Variants in CFAP92 observed in about 807,000 individuals in gnomAD.
The protein encoded by CFAP92 is cilia and flagella associated protein 92 (putative).
A neutral mutation model predicts 106.3 loss-of-function variants in CFAP92; 86 were observed. That is an observed-to-expected ratio of 0.81 (90% CI 0.68 to 0.97). The LOEUF (loss-of-function observed/expected upper bound fraction) is 0.97, where lower values mean the gene tolerates loss of function less well. Ranked by LOEUF, CFAP92 falls within the 50% of genes least tolerant of loss-of-function variation. CFAP92 has a pLI of 0.00. For missense variants in CFAP92, 1,204 were observed against 1,283.8 expected (o/e 0.94, Z 0.95); for synonymous variants, 477 against 506.4 (o/e 0.94, Z 0.78).
chr3:128,976,708 T>A (rs1036716743), intron 6 of CFAP92, among the ~76,000 whole-genome samples: 11 of 152,176 alleles, frequency 7.2e-5, no homozygotes, highest in Non-Finnish European at 8.8e-5. Flanking sequence ...ATTTAATTAC[T>A]CAGTCACCTT....
chr3:128,987,540 G>A (rs1943934042), intron 4 of CFAP92, 76 bp downstream of exon 4: 2 of 1,288,316 alleles, frequency 1.6e-6, no homozygotes, highest in Non-Finnish European at 1.1e-6. Flanking sequence ...AGGAAACCAG[G>A]AGACACTGGC....
rs951879091 is a variant in CFAP92, at chr3:128,977,903, T to C, written c.808+142A>G. 7 of 919,694 alleles carry C rather than the reference T, an allele frequency of 7.6e-6. No homozygotes were observed. In the Admixed American group the frequency reaches 1.7e-4, roughly 23 times the overall value. 57.0% of individuals were successfully genotyped at this position (919,694 alleles called of 1,614,324 possible). On this transcript the variant is annotated intron_variant, in intron 5 of 15. Coordinates refer to ENST00000645291, the MANE Select transcript of CFAP92 (RefSeq NM_001394090.1). Reference sequence around the variant, plus strand: ...ATGCAGCAAGAGCAATACAGCCGTGTGGCAGGGTGAGCCCCGCCCGCCTCT... The same window carrying C: ...ATGCAGCAAGAGCAATACAGCCGTGCGGCAGGGTGAGCCCCGCCCGCCTCT...
chr3:128,939,364 C>T (rs1939392013), intron 10 of CFAP92, among the ~76,000 whole-genome samples: 3 of 152,108 alleles, frequency 2.0e-5, no homozygotes. Flanking sequence ...GTCTCAAACT[C>T]CTGACCTTGG....
In CFAP92 at chr3:128,915,420, A is replaced by G; in HGVS notation, c.3060T>C (p.Leu1020=). The change falls in exon 14 of 16, where the codon CTT becomes CTC. Residue 1020 remains leucine (L), a synonymous_variant. Transcript: ENST00000645291. ...LTARGFQVTG[L]QSDTESSFQD... is the part of the protein sequence containing the mutation. ...GAAAGCTGCTTTCGGTGTCGCTCTG[A>G]AGACCTGTCACTTGGAATCCCCTGG... The G allele has an allele frequency of 2.0e-6, 3 of 1,536,048 alleles. No homozygotes were observed. Among genetic ancestry groups the G allele is most frequent in the Non-Finnish European group, 2.6e-6 (3 of 1,146,896 alleles).
At chr3:128,952,678 G>A (rs909379977) in intron 9 of CFAP92, among the ~76,000 whole-genome samples, 2 of 152,192 alleles carry the variant, frequency 1.3e-5, no homozygotes, top group South Asian at 4.1e-4. Flanking sequence ...CTGCTCGGGA[G>A]GCTGAGGTGG....
upstream of CFAP92, among the ~76,000 whole-genome samples, chr3:128,996,690 C>T (rs1944491934): frequency 6.6e-6 from 1 of 152,262 alleles, no homozygotes; most frequent in African/African-American, 2.4e-5. Context: ...CTCACCACTC[C>T]ATGCATCAGC....
Position 128,915,570 on chromosome 3 carries a change from A to AT in CFAP92, c.2917-8dup, listed in dbSNP as rs1936744693. 4.7e-6 allele frequency: 7 copies of AT among 1,501,536 alleles called. No homozygotes were observed. The highest frequency in any genetic ancestry group is 6.2e-6 in the Non-Finnish European group (7 of 1,129,710). 93.0% of individuals were successfully genotyped at this position (1,501,536 alleles called of 1,614,324 possible). On this transcript the variant is annotated splice_region_variant and splice_polypyrimidine_tract_variant and intron_variant, in intron 13 of 15. Transcript: ENST00000645291. Reference sequence around the variant, plus strand: ...TGAATCTCTTTCTTGGCTCCTAGAAATGGGGGCAGACAGGTTGGGGTGGAA... The same window carrying AT: ...TGAATCTCTTTCTTGGCTCCTAGAAATTGGGGGCAGACAGGTTGGGGTGGAA...
chr3:128,917,954 G>A (rs1409328092), intron 12 of CFAP92, among the ~76,000 whole-genome samples: 1 of 152,192 alleles, frequency 6.6e-6, no homozygotes, highest in African/African-American at 2.4e-5. Flanking sequence ...CCAAGCCTGG[G>A]TACACTATTA....
Position 128,932,847 on chromosome 3 carries a change from T to C in CFAP92, c.2604A>G (p.Leu868=), listed in dbSNP as rs184820837. 442 of 1,536,176 alleles carry C rather than the reference T, an allele frequency of 2.9e-4. 1 individual carries two copies. The Middle Eastern group carries it at 4.3e-3, about 15-fold the overall frequency. Residue 868 remains leucine (L), a synonymous_variant, in exon 12 of 16, where the codon CTA becomes CTG. Coordinates refer to ENST00000645291, the MANE Select transcript of CFAP92 (RefSeq NM_001394090.1). ...CAAGATTGGGGGCAGGCTGAGGTGG[T>C]AGGGCAAACAGTTTCTCATCTGTGA... is the stretch of plus-strand genomic sequence containing the variant. ...EELTDEKLFA[L]PPQPAPNLED...
chr3:128,949,375 T>C (rs9653927), intron 9 of CFAP92, among the ~76,000 whole-genome samples: 6,399 of 152,246 alleles, frequency 0.042, 362 homozygotes, highest in African/African-American at 0.13. Context: ...TGCTCAGCAA[T>C]GAAAAGGAAA....
Position 128,976,993 on chromosome 3 carries a change from A to C in CFAP92, c.882T>G (p.Asp294Glu). The change falls in exon 6 of 16, where the codon GAT becomes GAG. Residue 294 changes from aspartate to glutamate, a missense_variant. Coordinates refer to ENST00000645291, the MANE Select transcript of CFAP92 (RefSeq NM_001394090.1). ...EEYEKSLKMDDSSTIQWSVSR... is the reference protein window; with the variant it reads ...EEYEKSLKMDESSTIQWSVSR... ...TCAATCCTTACTGAATCGTGGAAGA[A>C]TCGTCCATTTTGAGGGACTTCTCAT... is the stretch of plus-strand genomic sequence containing the variant. 1.9e-6 allele frequency: 3 copies of C among 1,613,720 alleles called. No homozygotes were observed. The highest frequency in any genetic ancestry group is 2.5e-6 in the Non-Finnish European group (3 of 1,179,654).
intron 8 of CFAP92, chr3:128,969,817 G>A (rs1012738152): frequency 6.6e-6 from 1 of 152,362 alleles, no homozygotes; most frequent in Non-Finnish European, 1.5e-5. Context: ...TGGAGGGTCA[G>A]GCTGGAGCGT....
At chr3:129,004,083 C>T, upstream of CFAP92, 4 of 1,488,624 alleles carry the variant, frequency 2.7e-6, no homozygotes, top group Non-Finnish European at 3.6e-6. Context: ...TACAGGTGAG[C>T]GGGGGCGCGT....
Position 128,945,339 on chromosome 3 carries a change from C to T in CFAP92, c.1990G>A (p.Val664Ile), listed in dbSNP as rs760108532. 42 of 1,535,990 alleles carry T rather than the reference C, an allele frequency of 2.7e-5. No homozygotes were observed. Among genetic ancestry groups the T allele is most frequent in the Middle Eastern group, 1.7e-4 (1 of 6,012 alleles). Residue 664 changes from valine to isoleucine, a missense_variant, in exon 10 of 16, where the codon GTC (valine) becomes ATC (isoleucine). Coordinates refer to ENST00000645291, the MANE Select transcript of CFAP92 (RefSeq NM_001394090.1). The stretch of plus-strand genomic sequence containing the variant: ...AGGGAGACCTTCTTAAAGTCAAAGA[C>T]GAAGATGATGCGGCCAAACTGGGAG... ...GGSQFGRIIF[V>I]FDFKKVSLLH... is the part of the protein sequence containing the mutation.
At position 128,945,367 on chromosome 3, in the gene CFAP92, C is replaced by T. The variant is rs987629010; in HGVS notation, c.1962G>A (p.Gly654=). 1.2e-5 allele frequency: 19 copies of T among 1,536,010 alleles called. No individual in the cohort carries two copies. In the African/African-American group the frequency reaches 2.6e-4, roughly 21 times the overall value. The change falls in exon 10 of 16, where the codon GGG becomes GGA. Residue 654 remains glycine (G), a synonymous_variant. Transcript: ENST00000645291. ...AGATGATGCGGCCAAACTGGGAGCC[C>T]CCAAGGTCAGGATCAGCAGCTCTGG... ...AGARAADPDL[G]GSQFGRIIFV... is the part of the protein sequence containing the mutation.
chr3:128,949,749 C>T lies in CFAP92; in HGVS notation c.1354-3774G>A, dbSNP rs142397692. ...TAGCCCAGGCTGGAGTGCAATGGCG[C>T]GATCTTGGCTCACGGCAACCTCTGC... On this transcript the variant is annotated intron_variant, in intron 9 of 15. Coordinates refer to ENST00000645291, the MANE Select transcript of CFAP92 (RefSeq NM_001394090.1). Among the ~76,000 whole-genome samples the T allele has an allele frequency of 1.8e-4, 27 of 152,274 alleles. No individual in the cohort carries two copies. The East Asian group carries it at 4.6e-3, about 26-fold the overall frequency.
chr3:128,963,230 T>C (rs1021894945), intron 9 of CFAP92, among the ~76,000 whole-genome samples: 2 of 152,156 alleles, frequency 1.3e-5, no homozygotes, highest in Non-Finnish European at 2.9e-5. Flanking sequence ...CTCCTTTCCT[T>C]CCTAGGCATG....
At chr3:128,951,320 A>G (rs1940781038) in intron 9 of CFAP92, among the ~76,000 whole-genome samples, 1 of 152,100 alleles carries the variant, frequency 6.6e-6, no homozygotes, top group East Asian at 1.9e-4. Context: ...TGAAGAAATA[A>G]TCAGTGAAAT....
chr3:128,988,209 CTT>C (rs1384275643), intron 3 of CFAP92, among the ~76,000 whole-genome samples: 4 of 152,160 alleles, frequency 2.6e-5, no homozygotes, highest in African/African-American at 9.7e-5. Flanking sequence ...ACTACAAAAA[CTT>C]TTGAAACATT....
Sources: gnomAD v4.1 joint callset for allele counts (sites outside exome capture counted in the v4.1 genomes callset) on GRCh38, gnomAD v4.1.1 for gene constraint, MANE v1.5 for transcripts, NCBI Gene and HGNC (gene_info 2026-07-23, HGNC 2026-07-21) for gene names.